The following MAML3 variants were observed in gnomAD, a reference collection of about 807,000 sequenced individuals.
MAML3 encodes mastermind-like protein 3.
Under a neutral mutation model 101.9 loss-of-function variants are expected in MAML3, and 27 were observed. The ratio of observed to expected loss-of-function variants is 0.27; its 90% CI spans 0.20 to 0.37. MAML3 has a LOEUF of 0.37. Among genes scored for constraint, MAML3 ranks in the 10% least tolerant of loss-of-function variants. The pLI is 1.00. For synonymous variants in MAML3, 501 were observed against 555.9 expected, an observed-to-expected ratio of 0.90 and a Z score of 1.39; for missense variants, 1,316 against 1,444.9, an observed-to-expected ratio of 0.91 and a Z score of 1.45.
At chr4:139,796,168 A>G (rs111462709) in intron 2 of MAML3, among the ~76,000 whole-genome samples, 10 of 152,342 alleles carry the variant, frequency 6.6e-5, no homozygotes, top group East Asian at 1.9e-4. Context: ...ACACTGGATC[A>G]GATTCGTTAT....
At chr4:140,118,819 C>T (rs925266426) in intron 1 of MAML3, among the ~76,000 whole-genome samples, 11 of 152,090 alleles carry the variant, frequency 7.2e-5, no homozygotes, top group African/African-American at 1.9e-4. Flanking sequence ...AAATAACATG[C>T]GTAAGAGCCA....
At position 140,070,115 on chromosome 4, in the gene MAML3, CAAATAAAT is replaced by C. The variant is rs60471093; in HGVS notation, c.468+82737_468+82744del. 1.4e-3 allele frequency among the ~76,000 whole-genome samples: 211 copies of C among 149,876 alleles called. 2 individuals carry two copies. Among genetic ancestry groups the C allele is most frequent in the African/African-American group, 4.8e-3 (189 of 39,788 alleles). On this transcript the variant is annotated intron_variant, in intron 1 of 4. Transcript: ENST00000509479. ...TTGGAGACAGAGCGAGACTCCATCT[CAAATAAAT>C]AAATAAATAAATAAATAAATAAAAA... is the stretch of plus-strand genomic sequence containing the variant.
chr4:139,936,381 A>T (rs972470168), intron 1 of MAML3, among the ~76,000 whole-genome samples: 6 of 152,208 alleles, frequency 3.9e-5, no homozygotes, highest in Non-Finnish European at 2.9e-5. Flanking sequence ...TTTGACATAC[A>T]CATTTCCTTT....
At chr4:140,078,207 C>T (rs1246444891) in intron 1 of MAML3, among the ~76,000 whole-genome samples, 1 of 152,096 alleles carries the variant, frequency 6.6e-6, no homozygotes, top group Admixed American at 6.5e-5. Flanking sequence ...CAAGAAGGCA[C>T]CATAGCTCTA....
intron 2 of MAML3, among the ~76,000 whole-genome samples, chr4:139,805,331 A>G (rs1730682577): frequency 6.6e-6 from 1 of 152,244 alleles, no homozygotes; most frequent in Non-Finnish European, 1.5e-5. Flanking sequence ...TGTCTGAGAA[A>G]TAATACCTTA....
intron 1 of MAML3, among the ~76,000 whole-genome samples, chr4:140,146,659 G>A (rs1338835434): frequency 1.3e-5 from 2 of 151,924 alleles, no homozygotes; most frequent in Non-Finnish European, 2.9e-5. Context: ...ATTTGTGGGG[G>A]GATACTGTAA....
intron 2 of MAML3, among the ~76,000 whole-genome samples, chr4:139,768,606 C>T (rs1270591016): frequency 1.3e-5 from 2 of 152,226 alleles, no homozygotes; most frequent in African/African-American, 4.8e-5. Flanking sequence ...GATGTTTAAA[C>T]TGTTCTACTA....
intron 1 of MAML3, among the ~76,000 whole-genome samples, chr4:139,917,422 G>A (rs1252521972): frequency 6.6e-6 from 1 of 152,176 alleles, no homozygotes; most frequent in African/African-American, 2.4e-5. Flanking sequence ...CAGCAAGAGG[G>A]TAGTACCAGG....
intron 1 of MAML3, among the ~76,000 whole-genome samples, chr4:139,949,477 A>G (rs1733796206): frequency 6.6e-6 from 1 of 152,224 alleles, no homozygotes; most frequent in Non-Finnish European, 1.5e-5. Context: ...ATCAGAGATT[A>G]TGCCACGTAC....
intron 1 of MAML3, among the ~76,000 whole-genome samples, chr4:139,927,746 A>G: frequency 6.6e-6 from 1 of 152,204 alleles, no homozygotes; most frequent in East Asian, 1.9e-4. Flanking sequence ...GGCCATGGGA[A>G]CACATTTATG....
intron 4 of MAML3, among the ~76,000 whole-genome samples, chr4:139,723,912 A>C (rs1196944832): frequency 6.6e-6 from 1 of 152,206 alleles, no homozygotes; most frequent in East Asian, 1.9e-4. Context: ...TGAATCAGAA[A>C]CACTGTGTAT....
intron 2 of MAML3, among the ~76,000 whole-genome samples, chr4:139,858,109 T>C (rs1731701810): frequency 1.3e-5 from 2 of 152,346 alleles, no homozygotes; most frequent in Admixed American, 1.3e-4. Context: ...ATGTGCTGAT[T>C]TCAAACTGAT....
intron 2 of MAML3, among the ~76,000 whole-genome samples, chr4:139,801,668 G>C (rs972251649): frequency 2.3e-4 from 4 of 17,212 alleles, no homozygotes; most frequent in Non-Finnish European, 3.2e-4. Context: ...GTGTGTGTGT[G>C]TGTGTGTGTG....
intron 1 of MAML3, among the ~76,000 whole-genome samples, chr4:140,095,856 T>C (rs1465739776): frequency 6.6e-6 from 1 of 152,156 alleles, no homozygotes; most frequent in Admixed American, 6.5e-5. Context: ...CTAATAACTC[T>C]GACTTTGTTC....
At chr4:139,733,580 C>T (rs1162904444) in intron 2 of MAML3, among the ~76,000 whole-genome samples, 1 of 151,542 alleles carries the variant, frequency 6.6e-6, no homozygotes, top group Non-Finnish European at 1.5e-5. Flanking sequence ...AAAAAACCCT[C>T]CCAAAGGGAT....
rs547167406 is a variant in MAML3 at position 139,735,321 on chromosome 4, T to A, written c.2080-4654A>T. On this transcript the variant is annotated intron_variant, in intron 2 of 4. Coordinates refer to ENST00000509479, the MANE Select transcript of MAML3 (RefSeq NM_018717.5). The surrounding 1 kb of genome is among the most constrained non-coding windows in gnomAD (Gnocchi z 5.8). ...GTATCTCTGGGGTTATCTGCCCCCC[T>A]CCTCCGACTGACACTGAACTGGTTT... is the stretch of plus-strand genomic sequence containing the variant. Among the ~76,000 whole-genome samples, 1 of 152,212 alleles carries A rather than the reference T, an allele frequency of 6.6e-6. No individual in the cohort carries two copies. Among genetic ancestry groups the A allele is most frequent in the Non-Finnish European group, 1.5e-5 (1 of 68,014 alleles).
At chr4:139,887,234 CAT>C (rs1411455273) in intron 2 of MAML3, among the ~76,000 whole-genome samples, 2 of 152,156 alleles carry the variant, frequency 1.3e-5, no homozygotes, top group African/African-American at 4.8e-5. Context: ...AAGACATTCA[CAT>C]GTTTATATAT....
chr4:140,015,431 C>T lies in MAML3; in HGVS notation c.469-124464G>A, dbSNP rs542528019. ...AATAAACTATAAGATTTATAATATT[C>T]GAACTTCTTTACTCTTCAAATTCTT... On this transcript the variant is annotated intron_variant, in intron 1 of 4. Coordinates refer to ENST00000509479, the MANE Select transcript of MAML3 (RefSeq NM_018717.5). Among the ~76,000 whole-genome samples, 49 of 152,182 alleles carry T rather than the reference C, an allele frequency of 3.2e-4. 1 individual carries two copies. In the South Asian group the frequency reaches 4.8e-3, roughly 15 times the overall value.
chr4:139,915,019 A>C (rs947750954), intron 1 of MAML3, among the ~76,000 whole-genome samples: 3 of 152,228 alleles, frequency 2.0e-5, no homozygotes, highest in South Asian at 2.1e-4. Context: ...GAAAGGGCAT[A>C]TACAATGAAT....
Sources: allele counts gnomAD v4.1 joint callset (sites outside exome capture counted in the v4.1 genomes callset), GRCh38; gene constraint gnomAD v4.1.1; non-coding constraint Gnocchi (gnomAD v3.1); transcripts MANE v1.5; gene names NCBI Gene and HGNC (gene_info 2026-07-23, HGNC 2026-07-21).